SLC35F3: variants seen among roughly 807,000 people sequenced by gnomAD.
The protein encoded by SLC35F3 is solute carrier family 35 member F3, also known as putative thiamine transporter SLC35F3.
A neutral mutation model predicts 49.9 loss-of-function variants in SLC35F3; 25 were observed. The observed-to-expected ratio is 0.50, with a 90% CI of 0.37 to 0.70. The LOEUF (loss-of-function observed/expected upper bound fraction) is 0.70. SLC35F3 is among the 30% of genes least tolerant of loss of function. The pLI, the probability that SLC35F3 is intolerant of heterozygous loss-of-function variation, is 0.00. For synonymous variants in SLC35F3, 275 were observed against 265.4 expected (o/e 1.04, Z -0.35); for missense variants, 525 against 639.8 (o/e 0.82, Z 1.94).
chr1:234,240,948 T>C (rs1052362338), intron 3 of SLC35F3, among the ~76,000 whole-genome samples: 1 of 152,212 alleles, frequency 6.6e-6, no homozygotes, highest in African/African-American at 2.4e-5. Flanking sequence ...CCTTCCAGGA[T>C]ATGAGCTGAA....
At chr1:234,038,218 G>A (rs1664172288) in intron 2 of SLC35F3, among the ~76,000 whole-genome samples, 1 of 149,564 alleles carries the variant, frequency 6.7e-6, no homozygotes, top group African/African-American at 2.5e-5. Context: ...GTGGTGTTTG[G>A]TTTTTTGTCC....
intron 2 of SLC35F3, among the ~76,000 whole-genome samples, chr1:233,915,632 A>T (rs186562646): frequency 1.1e-4 from 17 of 152,290 alleles, no homozygotes; most frequent in Admixed American, 3.3e-4. Context: ...TCACGCTGCT[A>T]ATAAAGACAT....
intron 2 of SLC35F3, among the ~76,000 whole-genome samples, chr1:233,956,925 G>T (rs1571996323): frequency 6.6e-6 from 1 of 152,216 alleles, no homozygotes; most frequent in Non-Finnish European, 1.5e-5. Context: ...GCCAGAAAAA[G>T]GATAGGGGTA....
intron 2 of SLC35F3, among the ~76,000 whole-genome samples, chr1:234,083,274 CTT>C (rs1467511551): frequency 6.6e-6 from 1 of 152,196 alleles, no homozygotes; most frequent in Non-Finnish European, 1.5e-5. Context: ...TCAAAGCAGT[CTT>C]TGATAGAGTG....
intron 2 of SLC35F3, among the ~76,000 whole-genome samples, chr1:233,990,225 A>G (rs1663330137): frequency 6.6e-6 from 1 of 152,210 alleles, no homozygotes; most frequent in Non-Finnish European, 1.5e-5. Context: ...TCATTAATAC[A>G]TAATTTACGT....
intron 2 of SLC35F3, among the ~76,000 whole-genome samples, chr1:234,073,433 C>G (rs1664749001): frequency 2.0e-5 from 3 of 152,202 alleles, no homozygotes; most frequent in Admixed American, 2.0e-4. Context: ...GCATGAACCA[C>G]CATGCCCAGT....
intron 3 of SLC35F3, among the ~76,000 whole-genome samples, chr1:234,259,794 C>A (rs1667874931): frequency 6.6e-6 from 1 of 151,936 alleles, no homozygotes; most frequent in African/African-American, 2.4e-5. Context: ...TGGTGGTTGC[C>A]TATCTACAGA....
chr1:234,276,445 C>G (rs1039264999), intron 3 of SLC35F3, among the ~76,000 whole-genome samples: 1 of 151,906 alleles, frequency 6.6e-6, no homozygotes, highest in Non-Finnish European at 1.5e-5. Flanking sequence ...TGTGGGAGAC[C>G]CTCCCAGTAT....
chr1:234,306,551 A>G (rs1212880220), intron 3 of SLC35F3: 1 of 152,450 alleles, frequency 6.6e-6, no homozygotes, highest in African/African-American at 2.4e-5. Context: ...CACAAAGCTC[A>G]CCAGTCCAGG....
At chr1:234,251,202 G>T (rs1667732870) in intron 3 of SLC35F3, among the ~76,000 whole-genome samples, 2 of 152,080 alleles carry the variant, frequency 1.3e-5, no homozygotes, top group African/African-American at 4.8e-5. Flanking sequence ...TGATTTCATT[G>T]CTCAAGAGGT....
chr1:234,203,060 C>T (rs146483857), intron 2 of SLC35F3, among the ~76,000 whole-genome samples: 1 of 152,288 alleles, frequency 6.6e-6, no homozygotes, highest in African/African-American at 2.4e-5. Context: ...GCATCTCTCA[C>T]CTTCTCCTTT....
rs546263835 is a variant in SLC35F3 at position 234,212,786 on chromosome 1, G to T, written c.284-18631G>T. 3.9e-5 allele frequency: 6 copies of T among 152,282 alleles called. No individual in the cohort carries two copies. In the South Asian group the frequency reaches 1.2e-3, roughly 32 times the overall value. 9.4% of individuals were successfully genotyped at this position (152,282 alleles called of 1,614,324 possible). On this transcript the variant is annotated intron_variant, in intron 2 of 7. Coordinates refer to ENST00000366618, the MANE Select transcript of SLC35F3 (RefSeq NM_173508.4). Reference sequence around the variant, plus strand: ...TAGAAGTATTATTTTGTAGTAAAAAGATCCTCTTTAATATACAACATGTAA... The same window carrying T: ...TAGAAGTATTATTTTGTAGTAAAAATATCCTCTTTAATATACAACATGTAA...
chr1:234,276,346 A>G (rs991395451), intron 3 of SLC35F3, among the ~76,000 whole-genome samples: 2 of 152,210 alleles, frequency 1.3e-5, no homozygotes, highest in African/African-American at 4.8e-5. Flanking sequence ...CTCATTCACC[A>G]GAATCTGTGC....
chr1:234,132,122 G>C (rs1444277696), intron 2 of SLC35F3, among the ~76,000 whole-genome samples: 1 of 152,110 alleles, frequency 6.6e-6, no homozygotes, highest in Non-Finnish European at 1.5e-5. Flanking sequence ...CTAACAAGAT[G>C]GAAGTCAGAT....
Position 233,927,849 on chromosome 1 carries a change from CAAAT to C in SLC35F3, c.283+22094_283+22097del, listed in dbSNP as rs1662184375. On this transcript the variant is annotated intron_variant, in intron 2 of 7. Transcript: ENST00000366618. The stretch of plus-strand genomic sequence containing the variant: ...TTTTAAAATAGATTATTATTGGTAT[CAAAT>C]AACTATGGTAATTAGATTCCTTAAA... Among the ~76,000 whole-genome samples, 4 of 151,920 alleles carry C rather than the reference CAAAT, an allele frequency of 2.6e-5. 1 individual carries two copies. The South Asian group carries it at 8.3e-4, about 32-fold the overall frequency.
chr1:234,172,663 C>T (rs1666416591), intron 2 of SLC35F3, among the ~76,000 whole-genome samples: 1 of 152,234 alleles, frequency 6.6e-6, no homozygotes, highest in Non-Finnish European at 1.5e-5. Flanking sequence ...GCCTACTATA[C>T]ACCTAGGCTA....
intron 3 of SLC35F3, among the ~76,000 whole-genome samples, chr1:234,262,662 C>T (rs1270128694): frequency 1.3e-5 from 2 of 152,232 alleles, no homozygotes; most frequent in Non-Finnish European, 2.9e-5. Context: ...GGTGCCCATA[C>T]TATCAGCCTG....
chr1:234,096,168 G>GTGTCC (rs1665114657), intron 2 of SLC35F3, among the ~76,000 whole-genome samples: 1 of 152,126 alleles, frequency 6.6e-6, no homozygotes, highest in Non-Finnish European at 1.5e-5. Context: ...TCTCCCCTCA[G>GTGTCC]TGTCCTTTCC....
intron 2 of SLC35F3, among the ~76,000 whole-genome samples, chr1:234,110,383 G>A (rs1665388509): frequency 6.6e-6 from 1 of 152,232 alleles, no homozygotes; most frequent in African/African-American, 2.4e-5. Flanking sequence ...GCCGACAGGA[G>A]GCACTAACTG....
Sources: allele counts gnomAD v4.1 joint callset (sites outside exome capture counted in the v4.1 genomes callset), GRCh38; gene constraint gnomAD v4.1.1; transcripts MANE v1.5; gene names NCBI Gene and HGNC (gene_info 2026-07-23, HGNC 2026-07-21).